Variants in RBM25 observed in about 807,000 individuals in gnomAD.
RBM25 encodes RNA binding motif protein 25, also known as RNA-binding protein 25.
Under a neutral mutation model 120.7 loss-of-function variants are expected in RBM25, and 19 were observed. The observed-to-expected ratio is 0.16, with a 90% CI of 0.11 to 0.23. RBM25 has a LOEUF of 0.23. Ranked by LOEUF, RBM25 falls within the 10% of genes least tolerant of loss-of-function variation. The probability of loss-of-function intolerance (pLI) is 1.00; values close to 1 mark genes in which losing one functional copy is unlikely to be tolerated. For missense variants in RBM25, 605 were observed against 1,041.5 expected (o/e 0.58, Z 5.77); for synonymous variants, 390 against 326.7 (o/e 1.19, Z -2.09).
At chr14:73,065,212 C>T (rs1895101200) in intron 1 of RBM25, 1 of 152,296 alleles carries the variant, frequency 6.6e-6, no homozygotes, top group Non-Finnish European at 1.5e-5. Context: ...TCACTGCAAC[C>T]TCGGCCTCCC....
At chr14:73,097,261 T>C (rs919895538) in intron 7 of RBM25, among the ~76,000 whole-genome samples, 161 bp downstream of exon 7, 1 of 137,846 alleles carries the variant, frequency 7.3e-6, no homozygotes, top group Non-Finnish European at 1.5e-5. Flanking sequence ...AATGCAGTGG[T>C]GCAATCTCAG....
At chr14:73,116,070 T>C (rs77225194) in intron 18 of RBM25, among the ~76,000 whole-genome samples, 1,746 of 151,848 alleles carry the variant, frequency 0.011, 31 homozygotes, top group African/African-American at 0.04. Flanking sequence ...GTCCATGGAG[T>C]TGTTTTTTTT....
intron 6 of RBM25, 88 bp downstream of exon 6, chr14:73,088,249 C>T: frequency 2.7e-6 from 4 of 1,487,544 alleles, no homozygotes; most frequent in Non-Finnish European, 3.7e-6. Context: ...TAATATGGGG[C>T]TTCAAAAGAT....
intron 5 of RBM25, 61 bp from the exon 6 acceptor site, chr14:73,087,940 A>G (rs989972081): frequency 2.1e-5 from 32 of 1,537,966 alleles, no homozygotes; most frequent in Non-Finnish European, 2.5e-5. Context: ...CTACTTTTCC[A>G]TAATTTTTTT....
chr14:73,118,479 G>GA (rs79313770), intron 18 of RBM25, among the ~76,000 whole-genome samples: 2,666 of 122,936 alleles, frequency 0.022, 63 homozygotes, highest in African/African-American at 0.067. Flanking sequence ...CCTGTCTCCA[G>GA]AAAAAAAAAA....
chr14:73,110,219 G>A (rs1163719598), intron 14 of RBM25, among the ~76,000 whole-genome samples: 1 of 149,888 alleles, frequency 6.7e-6, no homozygotes, highest in East Asian at 2.0e-4. Context: ...GTCTGGCTTT[G>A]TTGCCCAGGC....
intron 5 of RBM25, among the ~76,000 whole-genome samples, chr14:73,086,059 T>A (rs1311853126): frequency 1.3e-5 from 2 of 151,890 alleles, no homozygotes; most frequent in East Asian, 3.9e-4. Context: ...GGTCATCTAG[T>A]ATAATAGGTT....
At chr14:73,112,884 G>C (rs538236058) in intron 17 of RBM25, among the ~76,000 whole-genome samples, 1 of 152,090 alleles carries the variant, frequency 6.6e-6, no homozygotes, top group East Asian at 1.9e-4. Context: ...GCTCACTGCA[G>C]CTTTGAACGC....
intron 6 of RBM25, among the ~76,000 whole-genome samples, chr14:73,093,546 G>A (rs111558273): frequency 0.07 from 10,609 of 152,110 alleles, 534 homozygotes; most frequent in South Asian, 0.19. Flanking sequence ...CACTCTTGTC[G>A]CCCAGGCTGG....
intron 1 of RBM25, among the ~76,000 whole-genome samples, chr14:73,062,880 G>GCACAA (rs1409192693): frequency 1.3e-5 from 2 of 150,856 alleles, no homozygotes; most frequent in African/African-American, 4.8e-5. Context: ...GAGTGCAGTG[G>GCACAA]TGTGAGCTCG....
chr14:73,084,761 A>T (rs866130980), intron 5 of RBM25, among the ~76,000 whole-genome samples: 2 of 151,460 alleles, frequency 1.3e-5, no homozygotes, highest in Non-Finnish European at 2.9e-5. Context: ...CATGTTGGTC[A>T]GGCTGCTCCT....
intron 18 of RBM25, among the ~76,000 whole-genome samples, chr14:73,114,946 C>T (rs943299524): frequency 1.3e-5 from 2 of 152,126 alleles, no homozygotes; most frequent in Non-Finnish European, 2.9e-5. Flanking sequence ...TCATGTTTTC[C>T]CTATGCCCAG....
intron 6 of RBM25, 59 bp downstream of exon 6, chr14:73,088,220 T>G (rs907572139): frequency 5.0e-5 from 79 of 1,587,742 alleles, no homozygotes; most frequent in Non-Finnish European, 6.2e-5. Context: ...AGTGTAGTGC[T>G]TCTCATTATA....
In RBM25 at chr14:73,085,861, G is replaced by A. The variant is rs116535378; in HGVS notation, c.383-2140G>A. The stretch of plus-strand genomic sequence containing the variant: ...AGTGACTGATTTTCTTTTTTCTTTT[G>A]AATTATTGTGAACTTAGGAATTGAA... On this transcript the variant is annotated intron_variant, in intron 5 of 18. Coordinates refer to ENST00000261973, the MANE Select transcript of RBM25 (RefSeq NM_021239.3). 6.3e-3 allele frequency among the ~76,000 whole-genome samples: 951 copies of A among 152,106 alleles called. 1 individual carries two copies. Among genetic ancestry groups the A allele is most frequent in the Non-Finnish European group, 0.011 (734 of 67,978 alleles).
At chr14:73,078,495 A>G (rs1194300039) in intron 4 of RBM25, among the ~76,000 whole-genome samples, 1 of 152,170 alleles carries the variant, frequency 6.6e-6, no homozygotes, top group African/African-American at 2.4e-5. Flanking sequence ...ACAAAAAAAT[A>G]TATAAAATTG....
intron 12 of RBM25, among the ~76,000 whole-genome samples, chr14:73,106,894 G>T (rs1224043532): frequency 6.6e-6 from 1 of 150,384 alleles, no homozygotes; most frequent in Non-Finnish European, 1.5e-5. Context: ...AGGCTGGGGT[G>T]TGATCTCGGC....
At chr14:73,103,994 A>ACACACACACACT (rs1339176135) in intron 10 of RBM25, among the ~76,000 whole-genome samples, 21 of 99,384 alleles carry the variant, frequency 2.1e-4, no homozygotes, top group Middle Eastern at 5.7e-3. Context: ...ACACACACAC[A>ACACACACACACT]CTCTCTCTCT....
chr14:73,070,245 C>T (rs971364195), intron 1 of RBM25, among the ~76,000 whole-genome samples: 1 of 151,616 alleles, frequency 6.6e-6, no homozygotes, highest in East Asian at 1.9e-4. Flanking sequence ...TTAGTGGGGA[C>T]GGGGTTTCGC....
At position 73,120,161 on chromosome 14, in the gene RBM25, A is replaced by G. The variant is rs1896514760; in HGVS notation, c.*356A>G. 1 of 188,510 alleles carries G rather than the reference A, an allele frequency of 5.3e-6. No homozygotes were observed. The allele number at this position is 188,510 out of a possible 1,614,324, so 11.7% of individuals were successfully genotyped here. ...AGAATTGCACTTAATATTGAAATGT[A>G]CTGTATAGGAACCAACATGAACAAT... is the stretch of plus-strand genomic sequence containing the variant. On this transcript the variant is annotated 3_prime_UTR_variant, in exon 19 of 19. Coordinates refer to ENST00000261973, the MANE Select transcript of RBM25 (RefSeq NM_021239.3).
Sources: gnomAD v4.1 joint callset for allele counts (sites outside exome capture counted in the v4.1 genomes callset) on GRCh38, gnomAD v4.1.1 for gene constraint, MANE v1.5 for transcripts, NCBI Gene and HGNC (gene_info 2026-07-23, HGNC 2026-07-21) for gene names.